DYNC2LI1: variants seen among roughly 807,000 people sequenced by gnomAD.
DYNC2LI1 encodes the protein dynein cytoplasmic 2 light intermediate chain 1.
DYNC2LI1 carries 45 observed loss-of-function variants against 51.9 expected under a neutral mutation model. The observed-to-expected ratio is 0.87, with a 90% confidence interval of 0.68 to 1.11. The LOEUF (loss-of-function observed/expected upper bound fraction) is 1.11, where lower values mean the gene tolerates loss of function less well. Ranked by LOEUF, DYNC2LI1 falls within the 50% of genes most tolerant of loss-of-function variation. The pLI, the probability that DYNC2LI1 is intolerant of heterozygous loss-of-function variation, is 0.00. For synonymous variants in DYNC2LI1, 130 were observed against 137.8 expected, an observed-to-expected ratio of 0.94 and a Z score of 0.40; for missense variants, 490 against 417.4, an observed-to-expected ratio of 1.17 and a Z score of -1.51.
downstream of DYNC2LI1, chr2:43,812,931 A>T: frequency 1.7e-6 from 1 of 605,312 alleles, no homozygotes. Flanking sequence ...AGAGCAAGGG[A>T]CTATAAACCA....
chr2:43,783,280 A>G (rs1673379045), intron 2 of DYNC2LI1, among the ~76,000 whole-genome samples: 1 of 152,234 alleles, frequency 6.6e-6, no homozygotes, highest in East Asian at 1.9e-4. Flanking sequence ...AGTATTTGTC[A>G]TCTGTGGGAC....
At chr2:43,819,093 T>C in the DYNC2LI1 span, among the ~76,000 whole-genome samples, 1 of 152,224 alleles carries the variant, frequency 6.6e-6, no homozygotes, top group African/African-American at 2.4e-5. Flanking sequence ...TATACTTTTA[T>C]ATAGTAGATG....
At chr2:43,775,690 T>C in intron 1 of DYNC2LI1, 1 of 395,356 alleles carries the variant, frequency 2.5e-6, no homozygotes, top group Non-Finnish European at 4.9e-6. Flanking sequence ...TTTTTTTATT[T>C]TCTTTTTTTT....
chr2:43,777,742 G>T (rs559597454), intron 2 of DYNC2LI1, among the ~76,000 whole-genome samples: 2 of 152,294 alleles, frequency 1.3e-5, no homozygotes, highest in African/African-American at 2.4e-5. Context: ...CTGAGCACCC[G>T]TCTTGTCTCC....
chr2:43,806,624 A>G (rs1035391719), intron 12 of DYNC2LI1, among the ~76,000 whole-genome samples: 7 of 152,224 alleles, frequency 4.6e-5, no homozygotes, highest in East Asian at 3.8e-4. Flanking sequence ...CTAGGAGTCA[A>G]TGATTAACTG....
chr2:43,796,782 G>C lies in DYNC2LI1; in HGVS notation c.641G>C (p.Gly214Ala). 1 of 1,613,500 alleles carries C rather than the reference G, an allele frequency of 6.2e-7. No individual in the cohort carries two copies. Among genetic ancestry groups the C allele is most frequent in the Non-Finnish European group, 8.5e-7 (1 of 1,179,692 alleles). Residue 214 changes from glycine (G) to alanine (A), a missense_variant, in exon 8 of 13, where the codon GGA becomes GCA. Gly to Ala is a moderately conservative substitution (Grantham distance 60). Coordinates refer to ENST00000260605, the MANE Select transcript of DYNC2LI1 (RefSeq NM_016008.4). ...KTLRFVAHYY[G>A]ASLMFTSKSE... Reference sequence around the variant, plus strand: ...CTTCGATTTGTTGCACATTATTATGGAGCATCATTAATGGTTTGTACATTT... The same window carrying C: ...CTTCGATTTGTTGCACATTATTATGCAGCATCATTAATGGTTTGTACATTT...
At position 43,800,891 on chromosome 2, in the gene DYNC2LI1, C is replaced by G; in HGVS notation, c.705C>G (p.Asn235Lys). The change falls in exon 9 of 13, where the codon AAC becomes AAG. Residue 235 changes from asparagine to lysine, a missense_variant. Physicochemically the swap from Asn to Lys is moderately conservative, Grantham distance 94. Transcript: ENST00000260605. ...ALLLKIRGVI[N>K]QLAFGIDKSK... The stretch of plus-strand genomic sequence containing the variant: ...TACTAAAAATACGTGGAGTTATCAA[C>G]CAGTTGGCATTTGGCATTGACAAAA... The G allele has an allele frequency of 6.2e-7, 1 of 1,604,630 alleles. No individual in the cohort carries two copies.
the DYNC2LI1 span, among the ~76,000 whole-genome samples, chr2:43,818,226 C>T: frequency 5.5e-4 from 84 of 152,108 alleles, 2 homozygotes; most frequent in African/African-American, 1.7e-3. Context: ...CCGAGGTGGG[C>T]GAATCACTTG....
At chr2:43,797,309 C>T (rs1241544787) in intron 8 of DYNC2LI1, among the ~76,000 whole-genome samples, 1 of 152,008 alleles carries the variant, frequency 6.6e-6, no homozygotes, top group African/African-American at 2.4e-5. Flanking sequence ...GCCTCATTGT[C>T]CTCCAGGGTA....
chr2:43,789,410 G>T (rs1673673524), intron 4 of DYNC2LI1, among the ~76,000 whole-genome samples: 1 of 152,044 alleles, frequency 6.6e-6, no homozygotes, highest in East Asian at 1.9e-4. Context: ...TAGAATTAGG[G>T]CATTTGTGTA....
At chr2:43,824,904 G>C in the DYNC2LI1 span, 1 of 1,613,964 alleles carries the variant, frequency 6.2e-7, no homozygotes, top group East Asian at 2.2e-5. Context: ...AAGTCAAAAG[G>C]GTTTGAATGT....
At chr2:43,775,854 A>ATTTTTTTTTTTTTTTTTTT (rs57868887) in intron 1 of DYNC2LI1, 2 of 49,276 alleles carry the variant, frequency 4.1e-5, no homozygotes, top group Admixed American at 4.8e-4. Flanking sequence ...CACCTGGCCA[A>ATTTTTTTTTTTTTTTTTTT]TTTTTTTTTT....
At chr2:43,780,841 G>C (rs1406143441) in intron 2 of DYNC2LI1, among the ~76,000 whole-genome samples, 1 of 152,038 alleles carries the variant, frequency 6.6e-6, no homozygotes, top group Non-Finnish European at 1.5e-5. Flanking sequence ...GGGAAGATGG[G>C]ATTCATTTTG....
intron 12 of DYNC2LI1, 73 bp downstream of exon 12, chr2:43,805,319 T>C: frequency 2.3e-6 from 2 of 885,304 alleles, no homozygotes; most frequent in Non-Finnish European, 1.8e-6. Context: ...GGGAATTCCT[T>C]ACATTTTTCT....
At chr2:43,823,674 G>A in the DYNC2LI1 span, among the ~76,000 whole-genome samples, 2 of 152,170 alleles carry the variant, frequency 1.3e-5, no homozygotes, top group Non-Finnish European at 1.5e-5. Context: ...CTCCCCACCA[G>A]TACATTGTCA....
rs573672960 is a variant in DYNC2LI1 at position 43,805,823 on chromosome 2, A to G, written c.993+577A>G. Among the ~76,000 whole-genome samples the G allele has an allele frequency of 2.0e-5, 3 of 152,298 alleles. No individual in the cohort carries two copies. The East Asian group carries it at 5.8e-4, about 29-fold the overall frequency. On this transcript the variant is annotated intron_variant, in intron 12 of 12. Transcript: ENST00000260605. ...CATTTGAACACACAAGTCTGATGTA[A>G]GAATGTTAAGAGTTGGCAAATTCAC...
At chr2:43,805,437 T>C (rs1298863271) in intron 12 of DYNC2LI1, 191 bp downstream of exon 12, 4 of 330,054 alleles carry the variant, frequency 1.2e-5, no homozygotes, top group Admixed American at 4.8e-5. Context: ...AAATTTGATA[T>C]GAATAAAGAA....
At chr2:43,818,587 C>G in the DYNC2LI1 span, among the ~76,000 whole-genome samples, 1 of 152,266 alleles carries the variant, frequency 6.6e-6, no homozygotes, top group Non-Finnish European at 1.5e-5. Flanking sequence ...AGAGGAAATG[C>G]TGCCCAAGGT....
At chr2:43,799,171 C>T (rs528972527) in intron 8 of DYNC2LI1, among the ~76,000 whole-genome samples, 1 of 152,026 alleles carries the variant, frequency 6.6e-6, no homozygotes, top group Admixed American at 6.6e-5. Context: ...CATCATAGTG[C>T]ATGCCTGTGA....
Sources: allele counts gnomAD v4.1 joint callset (sites outside exome capture counted in the v4.1 genomes callset), GRCh38; gene constraint gnomAD v4.1.1; transcripts MANE v1.5; gene names NCBI Gene and HGNC (gene_info 2026-07-23, HGNC 2026-07-21).